The following ANKFY1 variants were observed in gnomAD, a reference collection of about 807,000 sequenced individuals.
The protein encoded by ANKFY1 is ankyrin repeat and FYVE domain-containing protein 1.
A neutral mutation model predicts 128.3 loss-of-function variants in ANKFY1; 47 were observed. The observed-to-expected ratio is 0.37, with a 90% CI of 0.29 to 0.47. The LOEUF (loss-of-function observed/expected upper bound fraction) is 0.47, where lower values mean the gene tolerates loss of function less well. Among genes scored for constraint, ANKFY1 ranks in the 20% least tolerant of loss-of-function variants. The pLI is 1.00. For missense variants in ANKFY1, 1,222 were observed against 1,510.6 expected (o/e 0.81, Z 3.17); for synonymous variants, 553 against 601.6 (o/e 0.92, Z 1.18).
intron 1 of ANKFY1, among the ~76,000 whole-genome samples, chr17:4,250,672 A>AT (rs35277270): frequency 0.94 from 142,630 of 151,478 alleles, 67,755 homozygotes; most frequent in East Asian, 1. Flanking sequence ...AATGATTCTA[A>AT]TTTTTTTTTC....
intron 16 of ANKFY1, chr17:4,180,124 A>G: frequency 1.9e-6 from 1 of 520,044 alleles, no homozygotes; most frequent in Non-Finnish European, 3.4e-6. Context: ...GGGGATATGC[A>G]TACATTTAAA....
chr17:4,255,963 G>A (rs2143540810), intron 1 of ANKFY1, among the ~76,000 whole-genome samples: 1 of 152,200 alleles, frequency 6.6e-6, no homozygotes, highest in Middle Eastern at 3.4e-3. Context: ...GATTACAGGA[G>A]TGCACCACCA....
At chr17:4,222,751 CAAT>C (rs1420734723) in intron 3 of ANKFY1, 3 of 977,486 alleles carry the variant, frequency 3.1e-6, no homozygotes, top group East Asian at 2.4e-5. Context: ...TTTCTCGTAG[CAAT>C]AATATTAGCT....
At chr17:4,263,677 G>A (rs897679563) in intron 1 of ANKFY1, 13 of 1,531,490 alleles carry the variant, frequency 8.5e-6, no homozygotes, top group Non-Finnish European at 1.0e-5. Flanking sequence ...CAGCACCGGC[G>A]CGGGACCTGC....
Position 4,165,754 on chromosome 17 carries a change from A to G in ANKFY1, c.*2025T>C, listed in dbSNP as rs1031420399. 5.9e-5 allele frequency: 9 copies of G among 152,226 alleles called. No homozygotes were observed. The highest frequency in any genetic ancestry group is 2.2e-4 in the African/African-American group (9 of 41,452). 9.4% of individuals were successfully genotyped at this position (152,226 alleles called of 1,614,324 possible). On this transcript the variant is annotated 3_prime_UTR_variant, in exon 25 of 25. Transcript: ENST00000341657. ...GATTCTGAGTGCAATGACAGGCAAGATTGTTATTGAAATTGGTATGGTAGG... is the reference window on the plus strand; with the variant it reads ...GATTCTGAGTGCAATGACAGGCAAGGTTGTTATTGAAATTGGTATGGTAGG...
At chr17:4,182,106 A>G (rs1567916897) in intron 15 of ANKFY1, 75 bp downstream of exon 15, 3 of 1,324,072 alleles carry the variant, frequency 2.3e-6, no homozygotes, top group Admixed American at 2.7e-5. Flanking sequence ...TGTGACAGCT[A>G]CGCAGGCAGC....
intron 3 of ANKFY1, among the ~76,000 whole-genome samples, chr17:4,221,569 G>A (rs1333434945): frequency 1.3e-5 from 2 of 152,100 alleles, no homozygotes; most frequent in Admixed American, 1.3e-4. Flanking sequence ...AAGGTGTCTT[G>A]AATCTCCTAT....
intron 3 of ANKFY1, among the ~76,000 whole-genome samples, chr17:4,218,326 GAACT>G (rs908164908): frequency 9.2e-5 from 14 of 152,158 alleles, no homozygotes; most frequent in African/African-American, 2.9e-4. Context: ...CAACAATGGA[GAACT>G]AATTAAATAA....
At chr17:4,221,382 T>C (rs2060308914) in intron 3 of ANKFY1, among the ~76,000 whole-genome samples, 1 of 152,180 alleles carries the variant, frequency 6.6e-6, no homozygotes, top group Non-Finnish European at 1.5e-5. Context: ...TGGCTAATTT[T>C]TGCATTTTTA....
rs990889719 is a variant in ANKFY1 at position 4,178,639 on chromosome 17, C to T, written c.2598+218G>A. On this transcript the variant is annotated intron_variant, in intron 18 of 24. Transcript: ENST00000341657. The surrounding 1 kb of genome is among the most constrained non-coding windows in gnomAD (Gnocchi z 4.1). ...TGGAGCCCACTGCCTCCGCTTCCATCGAAGCCGGGCACTGTCAGGCGCTGA... is the reference window on the plus strand; with the variant it reads ...TGGAGCCCACTGCCTCCGCTTCCATTGAAGCCGGGCACTGTCAGGCGCTGA... 32 of 582,722 alleles carry T rather than the reference C, an allele frequency of 5.5e-5. No individual in the cohort carries two copies. The highest frequency in any genetic ancestry group is 9.2e-5 in the Non-Finnish European group (30 of 326,356). 36.1% of individuals were successfully genotyped at this position (582,722 alleles called of 1,614,324 possible).
intron 21 of ANKFY1, 103 bp downstream of exon 21, chr17:4,173,251 G>C (rs193213055): frequency 9.3e-7 from 1 of 1,077,086 alleles, no homozygotes; most frequent in Middle Eastern, 2.8e-4. Flanking sequence ...CCCAGCGGCC[G>C]GTTTTGCAGC....
chr17:4,238,422 T>C lies in ANKFY1; in HGVS notation c.204-2532A>G, dbSNP rs558605861. Among the ~76,000 whole-genome samples, 8 of 152,200 alleles carry C rather than the reference T, an allele frequency of 5.3e-5. No individual in the cohort carries two copies. The South Asian group carries it at 1.7e-3, about 32-fold the overall frequency. ...TGAAGACTCCATTCCCTATCTGATA[T>C]TTAACTGTAGATAACATAGAGTTTC... On this transcript the variant is annotated intron_variant, in intron 2 of 24. Coordinates refer to ENST00000341657, the MANE Select transcript of ANKFY1 (RefSeq NM_001330063.2).
intron 3 of ANKFY1, among the ~76,000 whole-genome samples, chr17:4,224,668 G>GT (rs869230102): frequency 2.5e-4 from 35 of 138,604 alleles, no homozygotes; most frequent in Middle Eastern, 3.8e-3. Flanking sequence ...CTGTTTGTTT[G>GT]TTTTTTTTTA....
At chr17:4,240,116 G>A (rs1246179701) in intron 2 of ANKFY1, among the ~76,000 whole-genome samples, 3 of 143,194 alleles carry the variant, frequency 2.1e-5, no homozygotes, top group Admixed American at 7.2e-5. Context: ...CCAGGCTGCC[G>A]TGCAGTGGCG....
rs1439191766 is a variant in ANKFY1 at position 4,173,562 on chromosome 17, A to T, written c.2924-118T>A. The T allele has an allele frequency of 4.4e-6, 4 of 917,598 alleles. No homozygotes were observed. The African/African-American group carries it at 6.6e-5, about 15-fold the overall frequency. 56.8% of individuals were successfully genotyped at this position (917,598 alleles called of 1,614,324 possible). The stretch of plus-strand genomic sequence containing the variant: ...GACCCGGCCACAGCAGCGACTGGCC[A>T]CGCACAGAGCCATCCTTTCTGGTCT... On this transcript the variant is annotated intron_variant, in intron 20 of 24. Coordinates refer to ENST00000341657, the MANE Select transcript of ANKFY1 (RefSeq NM_001330063.2).
chr17:4,168,083 A>C (rs567752705), intron 24 of ANKFY1, 172 bp from the exon 25 acceptor site: 137 of 643,032 alleles, frequency 2.1e-4, no homozygotes, highest in Non-Finnish European at 3.1e-4. Context: ...TTTTTAGTCT[A>C]TGAAAACAAA....
At chr17:4,197,606 G>C in intron 7 of ANKFY1, 29 bp from the exon 8 acceptor site, 1 of 1,603,398 alleles carries the variant, frequency 6.2e-7, no homozygotes, top group South Asian at 1.1e-5. Flanking sequence ...AAGAAACAGT[G>C]TCAGGGCAAA....
chr17:4,176,588 C>T (rs949629869), intron 19 of ANKFY1, among the ~76,000 whole-genome samples: 2 of 152,226 alleles, frequency 1.3e-5, no homozygotes, highest in African/African-American at 4.8e-5. Flanking sequence ...TACGTAAACA[C>T]ACCACATGCA....
intron 19 of ANKFY1, among the ~76,000 whole-genome samples, chr17:4,174,380 C>G (rs898078068): frequency 6.6e-6 from 1 of 152,008 alleles, no homozygotes; most frequent in Non-Finnish European, 1.5e-5. Flanking sequence ...GTGTCTACTG[C>G]TTGGAATAGG....
Sources: gnomAD v4.1 joint callset for allele counts (sites outside exome capture counted in the v4.1 genomes callset) on GRCh38, gnomAD v4.1.1 for gene constraint, Gnocchi (gnomAD v3.1) non-coding constraint, MANE v1.5 for transcripts, NCBI Gene and HGNC (gene_info 2026-07-23, HGNC 2026-07-21) for gene names.